The following ZEB2 variants were observed in gnomAD, a reference collection of about 807,000 sequenced individuals.
ZEB2 encodes zinc finger E-box binding homeobox 2.
Under a neutral mutation model 99.9 loss-of-function variants are expected in ZEB2, and 6 were observed. The ratio of observed to expected loss-of-function variants is 0.06; its 90% CI spans 0.03 to 0.12. The LOEUF (loss-of-function observed/expected upper bound fraction) is 0.12, where lower values mean the gene tolerates loss of function less well. ZEB2 is among the 10% of genes least tolerant of loss of function. The pLI, the probability that ZEB2 is intolerant of heterozygous loss-of-function variation, is 1.00. For synonymous variants in ZEB2, 517 were observed against 542.5 expected (o/e 0.95, Z 0.65); for missense variants, 969 against 1,502.8 (o/e 0.64, Z 5.87).
intron 2 of ZEB2, among the ~76,000 whole-genome samples, chr2:144,457,543 A>C (rs1704136628): frequency 6.6e-6 from 1 of 152,132 alleles, no homozygotes; most frequent in East Asian, 1.9e-4. Context: ...GTGCCTGGGC[A>C]GAAGAGAGAA....
At position 144,387,168 on chromosome 2, in the gene ZEB2, T is replaced by A. The variant is rs866753388; in HGVS notation, c.*2283A>T. 3 of 151,784 alleles carry A rather than the reference T, an allele frequency of 2.0e-5. No individual in the cohort carries two copies. Among genetic ancestry groups the A allele is most frequent in the Admixed American group, 1.3e-4 (2 of 15,228 alleles). 9.4% of individuals were successfully genotyped at this position (151,784 alleles called of 1,614,324 possible). ...TGGCTAAGGAATAAATATAAATATG[T>A]TGTTCTTGCCAACTGGAAATATCAT... On this transcript the variant is annotated 3_prime_UTR_variant, in exon 10 of 10. Transcript: ENST00000627532.
At chr2:144,411,226 A>G (rs1033111530) in intron 4 of ZEB2, among the ~76,000 whole-genome samples, 1 of 151,374 alleles carries the variant, frequency 6.6e-6, no homozygotes, top group Non-Finnish European at 1.5e-5. Flanking sequence ...TTACTTCACT[A>G]TGAAAGGCAA....
chr2:144,458,885 C>A (rs1404481429), intron 2 of ZEB2, among the ~76,000 whole-genome samples: 1 of 152,010 alleles, frequency 6.6e-6, no homozygotes, highest in Non-Finnish European at 1.5e-5. Context: ...TTTTGAGATA[C>A]CAAGAATAAA....
At position 144,491,035 on chromosome 2, in the gene ZEB2, G is replaced by A. The variant is rs116619809; in HGVS notation, c.73+26243C>T. 4.3e-3 allele frequency among the ~76,000 whole-genome samples: 658 copies of A among 152,316 alleles called. 3 individuals carry two copies. Among genetic ancestry groups the A allele is most frequent in the African/African-American group, 0.015 (630 of 41,574 alleles). On this transcript the variant is annotated intron_variant, in intron 2 of 9. Transcript: ENST00000627532. Reference sequence around the variant, plus strand: ...GTGATCCGTGCGTTGAGGACTCCCCGAGTACGCATTGACACGATAGACCGG... The same window carrying A: ...GTGATCCGTGCGTTGAGGACTCCCCAAGTACGCATTGACACGATAGACCGG...
chr2:144,477,323 CCTTT>C (rs1441057277), intron 2 of ZEB2, among the ~76,000 whole-genome samples: 1 of 152,202 alleles, frequency 6.6e-6, no homozygotes, highest in Non-Finnish European at 1.5e-5. Context: ...ATCTAAACTT[CCTTT>C]GTTAAAAGTA....
Position 144,466,150 on chromosome 2 carries a change from T to C in ZEB2, c.74-36124A>G, listed in dbSNP as rs565205555. ...TTAATTACCAATTGATTTCTTTATATATGACAACATGTCAGATAGCAAAAT... is the reference window on the plus strand; with the variant it reads ...TTAATTACCAATTGATTTCTTTATACATGACAACATGTCAGATAGCAAAAT... On this transcript the variant is annotated intron_variant, in intron 2 of 9. Coordinates refer to ENST00000627532, the MANE Select transcript of ZEB2 (RefSeq NM_014795.4). Among the ~76,000 whole-genome samples the C allele has an allele frequency of 1.4e-4, 21 of 152,324 alleles. No individual in the cohort carries two copies. The South Asian group carries it at 1.7e-3, about 12-fold the overall frequency.
chr2:144,480,801 T>C (rs959496830), intron 2 of ZEB2, among the ~76,000 whole-genome samples: 19 of 151,926 alleles, frequency 1.3e-4, no homozygotes, highest in Non-Finnish European at 1.5e-4. Context: ...TCCCTACTCA[T>C]ATAAAATAGG....
At chr2:144,467,413 C>G (rs1169018342) in intron 2 of ZEB2, among the ~76,000 whole-genome samples, 1 of 152,088 alleles carries the variant, frequency 6.6e-6, no homozygotes, top group African/African-American at 2.4e-5. Context: ...GATTCTTCAC[C>G]TTTTTGGAGG....
At chr2:144,447,271 T>C (rs1004662918) in intron 2 of ZEB2, among the ~76,000 whole-genome samples, 2 of 152,184 alleles carry the variant, frequency 1.3e-5, no homozygotes, top group Admixed American at 1.3e-4. Flanking sequence ...CTTTATGCAG[T>C]GGTAGCAATG....
intron 2 of ZEB2, among the ~76,000 whole-genome samples, chr2:144,459,208 T>C (rs959967746): frequency 1.3e-5 from 2 of 152,150 alleles, no homozygotes; most frequent in African/African-American, 4.8e-5. Context: ...TTAAGAAATA[T>C]TGTGCTTTAA....
At chr2:144,452,772 G>A (rs954436569) in intron 2 of ZEB2, among the ~76,000 whole-genome samples, 3 of 152,112 alleles carry the variant, frequency 2.0e-5, no homozygotes, top group Non-Finnish European at 4.4e-5. Flanking sequence ...GCCAGGCAGC[G>A]AGAAGGGCTT....
chr2:144,477,815 C>T (rs780645331), intron 2 of ZEB2, among the ~76,000 whole-genome samples: 1 of 152,118 alleles, frequency 6.6e-6, no homozygotes, highest in Non-Finnish European at 1.5e-5. Context: ...TACAAGGAAG[C>T]CTTTGCTGAT....
chr2:144,425,061 T>C (rs1479888931), intron 3 of ZEB2, 194 bp from the exon 4 acceptor site: 1 of 607,172 alleles, frequency 1.6e-6, no homozygotes, highest in Non-Finnish European at 2.9e-6. Context: ...CTTATTTACT[T>C]TAAGCATTAC....
chr2:144,444,271 A>C (rs1430987974), intron 2 of ZEB2, among the ~76,000 whole-genome samples: 2 of 152,242 alleles, frequency 1.3e-5, no homozygotes, highest in Non-Finnish European at 2.9e-5. Context: ...AAGAACACAA[A>C]ATCTGAGGCC....
chr2:144,390,184 T>C (rs1250329995), intron 9 of ZEB2, among the ~76,000 whole-genome samples, 156 bp from the exon 10 acceptor site: 1 of 152,220 alleles, frequency 6.6e-6, no homozygotes, highest in East Asian at 1.9e-4. Context: ...GTTAGGAAGA[T>C]GCATTTCCAT....
At chr2:144,416,797 C>T (rs530161020) in intron 4 of ZEB2, among the ~76,000 whole-genome samples, 1 of 152,314 alleles carries the variant, frequency 6.6e-6, no homozygotes, top group Non-Finnish European at 1.5e-5. Flanking sequence ...AGAAAGTCTT[C>T]CCTGAAATTT....
intron 2 of ZEB2, among the ~76,000 whole-genome samples, chr2:144,499,463 A>T (rs1283760591): frequency 6.6e-6 from 1 of 152,206 alleles, no homozygotes; most frequent in African/African-American, 2.4e-5. Flanking sequence ...TTGATAGCAT[A>T]ATGTTTTGTA....
chr2:144,391,273 T>C (rs1703151261), intron 9 of ZEB2, among the ~76,000 whole-genome samples: 2 of 152,240 alleles, frequency 1.3e-5, no homozygotes, highest in Admixed American at 1.3e-4. Context: ...TGTCATTTCA[T>C]TAATGGTCTT....
At position 144,399,693 on chromosome 2, in the gene ZEB2, AGGT is replaced by A. The variant is rs1198463730; in HGVS notation, c.1491_1493del (p.Gln497_Pro498delinsHis). On this transcript the variant is annotated inframe_deletion, in exon 8 of 10. Transcript: ENST00000627532. This position sits in a 1 kb window ranked among gnomAD's most constrained non-coding sequence, Gnocchi z 5.6. ...TAGGAGAAGTAACTCCTTGTTCCTC[AGGT>A]TGAGAGCATGGATCCTTCATGTGAT... The A allele has an allele frequency of 6.2e-7, 1 of 1,614,202 alleles. No individual in the cohort carries two copies. Among genetic ancestry groups the A allele is most frequent in the Non-Finnish European group, 8.5e-7 (1 of 1,180,026 alleles).
Sources: gnomAD v4.1 joint callset for allele counts (sites outside exome capture counted in the v4.1 genomes callset) on GRCh38, gnomAD v4.1.1 for gene constraint, Gnocchi (gnomAD v3.1) non-coding constraint, MANE v1.5 for transcripts, NCBI Gene and HGNC (gene_info 2026-07-23, HGNC 2026-07-21) for gene names.